GPR141: variants seen among roughly 807,000 people sequenced by gnomAD.
GPR141 encodes the protein G protein-coupled receptor 141.
A neutral mutation model predicts 6.8 loss-of-function variants in GPR141; 6 were observed. That is an observed-to-expected ratio of 0.88 (90% CI 0.48 to 1.74). The LOEUF (loss-of-function observed/expected upper bound fraction) is 1.74, where lower values mean the gene tolerates loss of function less well. Among genes scored for constraint, GPR141 ranks in the 40% most tolerant of loss-of-function variants. GPR141 has a pLI of 0.01. For synonymous variants in GPR141, 140 were observed against 142.3 expected (o/e 0.98, Z 0.11); for missense variants, 372 against 372.9 (o/e 1.00, Z 0.02).
Position 37,738,652 on chromosome 7 carries a change from C to CT in GPR141, c.-14-1717dup, listed in dbSNP as rs376657837. The stretch of plus-strand genomic sequence containing the variant: ...CTTTGTGAGGTTGGGTTATTATTAT[C>CT]TTTTTTTTTTTAAGTTTCATTGAGG... On this transcript the variant is annotated intron_variant, in intron 2 of 2. Coordinates refer to ENST00000334425, the MANE Select transcript of GPR141 (RefSeq NM_001381946.1). Among the ~76,000 whole-genome samples the CT allele has an allele frequency of 9.9e-3, 1,451 of 146,580 alleles. 28 individuals carry two copies. The highest frequency in any genetic ancestry group is 0.033 in the African/African-American group (1,322 of 40,186).
At position 37,697,521 on chromosome 7, in the gene GPR141, T is replaced by G. The variant is rs76565846; in HGVS notation, c.-15+11938T>G. 3.3e-3 allele frequency among the ~76,000 whole-genome samples: 496 copies of G among 152,312 alleles called. 14 individuals are homozygous for G. The East Asian group carries it at 0.055, about 17-fold the overall frequency. Reference sequence around the variant, plus strand: ...GTGAATTTTGACTTCCAGCTCTAAGTGTGTCTCAGCAGCCTCCATGCTCAG... The same window carrying G: ...GTGAATTTTGACTTCCAGCTCTAAGGGTGTCTCAGCAGCCTCCATGCTCAG... On this transcript the variant is annotated intron_variant, in intron 2 of 2. Transcript: ENST00000334425.
At chr7:37,688,435 A>AAAATAAAT (rs371334926) in intron 2 of GPR141, among the ~76,000 whole-genome samples, 10 of 152,046 alleles carry the variant, frequency 6.6e-5, no homozygotes, top group African/African-American at 1.2e-4. Flanking sequence ...TCCATTTGAG[A>AAAATAAAT]AAATAAATAA....
At chr7:37,687,694 T>C (rs1237931398) in intron 2 of GPR141, among the ~76,000 whole-genome samples, 1 of 152,056 alleles carries the variant, frequency 6.6e-6, no homozygotes, top group Non-Finnish European at 1.5e-5. Context: ...TCTCTGAGGA[T>C]TTCTGAGACT....
intron 2 of GPR141, among the ~76,000 whole-genome samples, chr7:37,735,352 G>A (rs944963190): frequency 6.6e-6 from 1 of 152,176 alleles, no homozygotes; most frequent in Non-Finnish European, 1.5e-5. Context: ...CTGGGACTTG[G>A]GGGGATGGGA....
chr7:37,687,929 C>T (rs939038972), intron 2 of GPR141, among the ~76,000 whole-genome samples: 1 of 152,058 alleles, frequency 6.6e-6, no homozygotes, highest in Non-Finnish European at 1.5e-5. Flanking sequence ...AGGACCAGAT[C>T]ATAAATATTT....
rs1812556623 is a variant in GPR141, at chr7:37,741,350, G to T, written c.*39G>T. On this transcript the variant is annotated 3_prime_UTR_variant, in exon 3 of 3. Coordinates refer to ENST00000334425, the MANE Select transcript of GPR141 (RefSeq NM_001381946.1). ...TATTCATATTTGCTTCCTTTATATT[G>T]GGAATAAAAATGGGTATAGGGGAGG... The T allele has an allele frequency of 1.4e-6, 2 of 1,451,288 alleles. No homozygotes were observed. Among genetic ancestry groups the T allele is most frequent in the Non-Finnish European group, 1.9e-6 (2 of 1,069,976 alleles). The allele number at this position is 1,451,288 out of a possible 1,614,324, so 89.9% of individuals were successfully genotyped here.
chr7:37,723,332 T>C (rs1330209715), intron 2 of GPR141, among the ~76,000 whole-genome samples: 2 of 152,028 alleles, frequency 1.3e-5, no homozygotes, highest in Non-Finnish European at 2.9e-5. Context: ...TAGTGCCTTT[T>C]AGTTGCCTCT....
intron 2 of GPR141, among the ~76,000 whole-genome samples, chr7:37,712,655 G>A (rs1424472310): frequency 6.6e-6 from 1 of 152,152 alleles, no homozygotes. Context: ...CAATGCATGA[G>A]CAGATGGGGA....
chr7:37,741,052 A>T lies in GPR141; in HGVS notation c.659A>T (p.Glu220Val), dbSNP rs1217808086. The T allele has an allele frequency of 6.2e-7, 1 of 1,614,108 alleles. No homozygotes were observed. The highest frequency in any genetic ancestry group is 1.1e-5 in the South Asian group (1 of 91,088). ...KLRHSLLSHQEFWAQLKNLFF... is the reference protein window; with the variant it reads ...KLRHSLLSHQVFWAQLKNLFF... ...CGCCACTCTTTACTATCCCACCAGG[A>T]GTTCTGGGCTCAGCTGAAAAACCTA... The change falls in exon 3 of 3, where the codon GAG (glutamate) becomes GTG (valine). Residue 220 changes from glutamate to valine, a missense_variant. Coordinates refer to ENST00000334425, the MANE Select transcript of GPR141 (RefSeq NM_001381946.1).
At position 37,705,348 on chromosome 7, in the gene GPR141, G is replaced by A. The variant is rs114951458; in HGVS notation, c.-15+19765G>A. Among the ~76,000 whole-genome samples, 649 of 152,158 alleles carry A rather than the reference G, an allele frequency of 4.3e-3. 4 individuals carry two copies. Among genetic ancestry groups the A allele is most frequent in the African/African-American group, 0.015 (627 of 41,508 alleles). On this transcript the variant is annotated intron_variant, in intron 2 of 2. Coordinates refer to ENST00000334425, the MANE Select transcript of GPR141 (RefSeq NM_001381946.1). ...ACTAAATGGTAAAACCTATATCACT[G>A]ATAAATTATTTACATCACAGCATAA...
At chr7:37,726,362 A>C (rs1027432834) in intron 2 of GPR141, among the ~76,000 whole-genome samples, 1 of 152,178 alleles carries the variant, frequency 6.6e-6, no homozygotes, top group African/African-American at 2.4e-5. Context: ...GTTAGGAGTA[A>C]AAAATGGGAG....
At chr7:37,715,909 A>G (rs2131801346) in intron 2 of GPR141, among the ~76,000 whole-genome samples, 1 of 152,338 alleles carries the variant, frequency 6.6e-6, no homozygotes, top group Non-Finnish European at 1.5e-5. Flanking sequence ...CCTGAAATTC[A>G]TTCTGATTAA....
chr7:37,713,566 T>G (rs1810910031), intron 2 of GPR141: 1 of 152,234 alleles, frequency 6.6e-6, no homozygotes, highest in African/African-American at 2.4e-5. Flanking sequence ...TATAGATTCT[T>G]CTAATTCTTT....
chr7:37,718,303 G>A (rs1372885594), intron 2 of GPR141, among the ~76,000 whole-genome samples: 4 of 152,068 alleles, frequency 2.6e-5, no homozygotes, highest in African/African-American at 7.3e-5. Context: ...GAGGCCAGAC[G>A]TTCAAGGCCA....
intron 2 of GPR141, among the ~76,000 whole-genome samples, chr7:37,719,781 A>G (rs924579151): frequency 6.6e-6 from 1 of 152,206 alleles, no homozygotes; most frequent in African/African-American, 2.4e-5. Flanking sequence ...CCCAGTCAGG[A>G]ATTTTTTTTT....
At chr7:37,698,208 A>C (rs554437061) in intron 2 of GPR141, among the ~76,000 whole-genome samples, 3 of 152,342 alleles carry the variant, frequency 2.0e-5, no homozygotes, top group African/African-American at 7.2e-5. Flanking sequence ...TTCTCATGTA[A>C]GTAAAAGGAA....
At chr7:37,699,332 C>T (rs527246919) in intron 2 of GPR141, among the ~76,000 whole-genome samples, 15 of 152,182 alleles carry the variant, frequency 9.9e-5, no homozygotes, top group South Asian at 2.1e-4. Context: ...GAGGCCGAGG[C>T]GGGTGGATCA....
intron 2 of GPR141, among the ~76,000 whole-genome samples, chr7:37,697,365 G>A (rs1217028894): frequency 6.6e-6 from 1 of 152,188 alleles, no homozygotes; most frequent in Non-Finnish European, 1.5e-5. Context: ...AAATGACTGA[G>A]TGGGTAGTTA....
chr7:37,715,963 TA>T (rs1811027835), intron 2 of GPR141, among the ~76,000 whole-genome samples: 1 of 152,110 alleles, frequency 6.6e-6, no homozygotes, highest in South Asian at 2.1e-4. Context: ...TAATTGTGAT[TA>T]GGGGTGAGGC....
Sources: allele counts gnomAD v4.1 joint callset (sites outside exome capture counted in the v4.1 genomes callset), GRCh38; gene constraint gnomAD v4.1.1; transcripts MANE v1.5; gene names NCBI Gene and HGNC (gene_info 2026-07-23, HGNC 2026-07-21).